Variants in PDZD2 observed in about 807,000 individuals in gnomAD.
PDZD2 encodes the protein PDZ domain containing 2.
In PDZD2, 90 loss-of-function variants were observed where a neutral mutation model predicts 220.7. The ratio of observed to expected loss-of-function variants is 0.41; its 90% CI spans 0.34 to 0.49. PDZD2 has a LOEUF of 0.49. Ranked by LOEUF, PDZD2 falls within the 20% of genes least tolerant of loss-of-function variation. PDZD2 has a pLI of 0.28. For synonymous variants in PDZD2, 1,375 were observed against 1,450.5 expected (o/e 0.95, Z 1.18); for missense variants, 3,174 against 3,608.5 (o/e 0.88, Z 3.08).
chr5:31,779,467 C>CG (rs1373923827), intron 1 of PDZD2, among the ~76,000 whole-genome samples: 8 of 70,360 alleles, frequency 1.1e-4, no homozygotes, highest in Non-Finnish European at 2.3e-4. Flanking sequence ...CTCCACCTCC[C>CG]GGATCACGCC....
intron 1 of PDZD2, among the ~76,000 whole-genome samples, chr5:31,671,952 C>T (rs1227334496): frequency 6.6e-6 from 1 of 152,140 alleles, no homozygotes; most frequent in Non-Finnish European, 1.5e-5. Flanking sequence ...GATGTTTTCA[C>T]CTAGATCAGG....
intron 2 of PDZD2, among the ~76,000 whole-genome samples, chr5:31,920,487 G>A (rs1172183742): frequency 3.1e-5 from 4 of 128,920 alleles, no homozygotes; most frequent in Admixed American, 1.7e-4. Context: ...ATTAGGGTTC[G>A]CTCTTGGTGT....
chr5:31,681,591 T>C (rs1269307164), intron 1 of PDZD2, among the ~76,000 whole-genome samples: 1 of 151,740 alleles, frequency 6.6e-6, no homozygotes, highest in Non-Finnish European at 1.5e-5. Flanking sequence ...TATAATATAA[T>C]ATATATAATA....
chr5:31,868,381 G>C (rs1206546449), intron 2 of PDZD2, among the ~76,000 whole-genome samples: 1 of 152,188 alleles, frequency 6.6e-6, no homozygotes, highest in Non-Finnish European at 1.5e-5. Flanking sequence ...GGAGGTGGAG[G>C]TTGCAGTAAG....
At chr5:31,795,800 G>T (rs935366334) in intron 1 of PDZD2, among the ~76,000 whole-genome samples, 1 of 152,102 alleles carries the variant, frequency 6.6e-6, no homozygotes, top group African/African-American at 2.4e-5. Context: ...CTTGTTTATA[G>T]AAAAATCCCA....
chr5:31,701,221 G>A (rs947892240), intron 1 of PDZD2, among the ~76,000 whole-genome samples: 1 of 151,918 alleles, frequency 6.6e-6, no homozygotes, highest in Admixed American at 6.6e-5. Flanking sequence ...TTTTGAGGCA[G>A]AGTCTCGCTC....
In PDZD2 at chr5:32,110,521, A is replaced by AGT. The variant is rs1270150611; in HGVS notation, c.*2388_*2389dup. 1 of 152,674 alleles carries AGT rather than the reference A, an allele frequency of 6.5e-6. No homozygotes were observed. Among genetic ancestry groups the AGT allele is most frequent in the Non-Finnish European group, 1.5e-5 (1 of 68,054 alleles). 9.5% of individuals were successfully genotyped at this position (152,674 alleles called of 1,614,324 possible). A position where few individuals can be genotyped will look rare whatever the true frequency, so the allele number is the denominator to read the frequency against. On this transcript the variant is annotated 3_prime_UTR_variant, in exon 25 of 25. Coordinates refer to ENST00000438447, the MANE Select transcript of PDZD2 (RefSeq NM_178140.4). ...CCTAATAAATTCCCACACTTTCTGA[A>AGT]GTGAACACTAATGGTATTGTCCTAC...
rs774891641 is a variant in PDZD2 at position 32,010,480 on chromosome 5, G to T, written c.1405G>T (p.Ala469Ser). The T allele has an allele frequency of 4.4e-6, 7 of 1,607,440 alleles. No individual in the cohort carries two copies. Among genetic ancestry groups the T allele is most frequent in the Non-Finnish European group, 5.1e-6 (6 of 1,174,780 alleles). The part of the protein sequence containing the change: ...DEGTSSSVQR[A>S]MPGTDEPQDV... ...AGGAACCAGCTCTTCTGTCCAGAGAGCAGTAAGTGGCTCTGTGCTCCTGGC... is the reference window on the plus strand; with the variant it reads ...AGGAACCAGCTCTTCTGTCCAGAGATCAGTAAGTGGCTCTGTGCTCCTGGC... The change falls in exon 6 of 25, where the codon GCA (alanine) becomes TCA (serine). Residue 469 changes from alanine to serine, a missense_variant and splice_region_variant. Around this residue, in one of 4 missense-constraint regions of PDZD2, gnomAD observed 632 missense variants for 708.1 expected, o/e 0.89. Transcript: ENST00000438447.
chr5:31,689,379 G>A (rs1191666112), intron 1 of PDZD2, among the ~76,000 whole-genome samples: 3 of 31,216 alleles, frequency 9.6e-5, no homozygotes, highest in East Asian at 3.7e-3. Flanking sequence ...TTTTTAAGTC[G>A]AGACGGGGTT....
At chr5:31,739,419 A>G (rs1190506439) in intron 1 of PDZD2, among the ~76,000 whole-genome samples, 1 of 152,222 alleles carries the variant, frequency 6.6e-6, no homozygotes, top group Non-Finnish European at 1.5e-5. Context: ...TTAGCAGAAT[A>G]AATTATGTTG....
rs996308785 is a variant in PDZD2 at position 32,098,338 on chromosome 5, G to C, written c.7948-26G>C. The C allele has an allele frequency of 1.2e-6, 2 of 1,605,026 alleles. No homozygotes were observed. The highest frequency in any genetic ancestry group is 1.7e-5 in the Admixed American group (1 of 58,348). On this transcript the variant is annotated intron_variant, in intron 22 of 24. Transcript: ENST00000438447. This position sits in a 1 kb window ranked among gnomAD's most constrained non-coding sequence, Gnocchi z 4.1. ...GAAATCGTAAGTGGATCTGGTTTTT[G>C]TTCCCTTTTCCTTTCCTCATCCCAG...
Position 31,893,258 on chromosome 5 carries a change from G to A in PDZD2, c.477-89897G>A, listed in dbSNP as rs190260934. ...CCACGTTACTGCTTAGCCTGCCATT[G>A]ATTGTGGTTCGCATTTAAAAACAAA... On this transcript the variant is annotated intron_variant, in intron 2 of 24. Coordinates refer to ENST00000438447, the MANE Select transcript of PDZD2 (RefSeq NM_178140.4). Among the ~76,000 whole-genome samples the A allele has an allele frequency of 3.0e-4, 45 of 152,176 alleles. 1 individual carries two copies. In the East Asian group the frequency reaches 8.3e-3, roughly 28 times the overall value.
chr5:31,774,135 G>T (rs1049755133), intron 1 of PDZD2, among the ~76,000 whole-genome samples: 2 of 152,104 alleles, frequency 1.3e-5, no homozygotes, highest in African/African-American at 4.8e-5. Flanking sequence ...CCTGGTGTGG[G>T]CTGAGCTGGG....
chr5:31,761,732 G>T (rs1181667859), intron 1 of PDZD2, among the ~76,000 whole-genome samples: 1 of 151,604 alleles, frequency 6.6e-6, no homozygotes, highest in African/African-American at 2.4e-5. Flanking sequence ...ATGGTAGTGG[G>T]TGCCTGTAAT....
At chr5:31,915,312 G>A (rs958298287) in intron 2 of PDZD2, among the ~76,000 whole-genome samples, 6 of 152,196 alleles carry the variant, frequency 3.9e-5, no homozygotes, top group East Asian at 1.9e-4. Context: ...ATTCAGCCTC[G>A]TGGCCCCCAG....
intron 2 of PDZD2, among the ~76,000 whole-genome samples, chr5:31,883,512 T>A (rs1051195998): frequency 4.6e-5 from 7 of 152,048 alleles, no homozygotes; most frequent in Admixed American, 4.6e-4. Context: ...TGAGCCACCG[T>A]GTCTGGCCAG....
chr5:31,753,037 C>T (rs1751100875), intron 1 of PDZD2, among the ~76,000 whole-genome samples: 1 of 152,268 alleles, frequency 6.6e-6, no homozygotes, highest in South Asian at 2.1e-4. Context: ...ATGGACTTTC[C>T]TTATGATTGG....
intron 10 of PDZD2, among the ~76,000 whole-genome samples, chr5:32,056,552 T>C (rs749281612): frequency 1.3e-5 from 2 of 152,252 alleles, no homozygotes; most frequent in Non-Finnish European, 2.9e-5. Flanking sequence ...AAACGAGCTC[T>C]GATAAGTCAA....
In PDZD2 at chr5:31,715,008, G is replaced by A. The variant is rs142606946; in HGVS notation, c.-361+75571G>A. On this transcript the variant is annotated intron_variant, in intron 1 of 24. Coordinates refer to ENST00000438447, the MANE Select transcript of PDZD2 (RefSeq NM_178140.4). ...CTGGAGGCGGAGCTTACAGTGAGCC[G>A]AGATCTCGCCACTGCACTCCAGCCT... Among the ~76,000 whole-genome samples, 321 of 150,258 alleles carry A rather than the reference G, an allele frequency of 2.1e-3. 2 individuals carry two copies. The highest frequency in any genetic ancestry group is 7.3e-3 in the African/African-American group (298 of 40,902).
Sources: gnomAD v4.1 joint callset for allele counts (sites outside exome capture counted in the v4.1 genomes callset) on GRCh38, gnomAD v4.1.1 for gene constraint, gnomAD v4.1.1 regional missense constraint, Gnocchi (gnomAD v3.1) non-coding constraint, MANE v1.5 for transcripts, NCBI Gene and HGNC (gene_info 2026-07-23, HGNC 2026-07-21) for gene names.